Variants in RPL7 observed in about 807,000 individuals in gnomAD.
RPL7 encodes the protein ribosomal protein L7.
For missense variants in RPL7, 205 were observed against 301.9 expected, an observed-to-expected ratio of 0.68 and a Z score of 2.38; for synonymous variants, 100 against 102.2, an observed-to-expected ratio of 0.98 and a Z score of 0.13.
In RPL7 at chr8:73,290,603, TAAC is replaced by T. The variant is rs375642436; in HGVS notation, c.*101_*103del. Reference sequence around the variant, plus strand: ...TAGTTAAGGGAAGACAGAGGCAGGCTAACAACAACAACAACAAATCACAAATAC... The same window carrying T: ...TAGTTAAGGGAAGACAGAGGCAGGCTAACAACAACAACAAATCACAAATAC... On this transcript the variant is annotated 3_prime_UTR_variant, in exon 7 of 7. Transcript: ENST00000352983. 127 of 157,144 alleles carry T rather than the reference TAAC, an allele frequency of 8.1e-4. No homozygotes were observed. Among genetic ancestry groups the T allele is most frequent in the East Asian group, 2.2e-3 (12 of 5,394 alleles). The allele number at this position is 157,144 out of a possible 1,614,324, so 9.7% of individuals were successfully genotyped here. A position where few individuals can be genotyped will look rare whatever the true frequency, so the allele number is the denominator to read the frequency against.
intron 1 of RPL7, 200 bp downstream of exon 1, chr8:73,293,399 G>T: frequency 1.7e-6 from 1 of 587,200 alleles, no homozygotes. Context: ...TCTCGTTCCC[G>T]GGATCTCCAA....
upstream of RPL7, chr8:73,293,641 C>T (rs757786641): frequency 1.2e-5 from 20 of 1,612,632 alleles, no homozygotes; most frequent in African/African-American, 9.4e-5. Context: ...AGGAAGTTGG[C>T]GCATGCGTAC....
rs868378538 is a variant in RPL7, at chr8:73,292,670, C to T, written c.123+19G>A. 1.1e-5 allele frequency: 18 copies of T among 1,578,842 alleles called. No homozygotes were observed. In the Middle Eastern group the frequency reaches 7.3e-4, roughly 64 times the overall value. On this transcript the variant is annotated intron_variant, in intron 2 of 6. Coordinates refer to ENST00000352983, the MANE Select transcript of RPL7 (RefSeq NM_000971.4). ...TAAGGCGCCTCCTTATGTGCTAGTG[C>T]CTCAAAAAGTTTACTTACCATCTTT...
intron 1 of RPL7, 104 bp downstream of exon 1, chr8:73,293,495 G>T (rs1421478249): frequency 2.1e-6 from 3 of 1,397,556 alleles, no homozygotes; most frequent in Non-Finnish European, 3.0e-6. Context: ...AAGCAGGGAG[G>T]TGGGCAAAGG....
intron 3 of RPL7, 128 bp from the exon 4 acceptor site, chr8:73,292,038 T>G: frequency 7.6e-7 from 1 of 1,309,032 alleles, no homozygotes; most frequent in South Asian, 1.4e-5. Context: ...CACACTGAAT[T>G]TCTGTATTCT....
Position 73,292,223 on chromosome 8 carries a change from G to GT in RPL7, c.290+15dup. ...TTTTTCCCATTCAAACCCGAATGCA[G>GT]TAAAACTGAACTTACCCTCTGATTC... is the stretch of plus-strand genomic sequence containing the variant. On this transcript the variant is annotated intron_variant, in intron 3 of 6. Transcript: ENST00000352983. 6.3e-7 allele frequency: 1 copy of GT among 1,597,194 alleles called. No individual in the cohort carries two copies. The highest frequency in any genetic ancestry group is 1.1e-5 in the South Asian group (1 of 89,086).
Position 73,291,653 on chromosome 8 carries a change from T to C in RPL7, c.437A>G (p.Asn146Ser), listed in dbSNP as rs1193109535. 6.3e-7 allele frequency: 1 copy of C among 1,593,362 alleles called. No homozygotes were observed. The highest frequency in any genetic ancestry group is 8.6e-7 in the Non-Finnish European group (1 of 1,163,170). ...GATTAGTTCATTTACTGACTTCAGA[T>C]TGGGGTACCTGAAGTGAAAAAGCAA... ...VEPYIAWGYP[N>S]LKSVNELIYK... The change falls in exon 5 of 7, where the codon AAT becomes AGT. Residue 146 changes from asparagine (N) to serine (S), a missense_variant. Coordinates refer to ENST00000352983, the MANE Select transcript of RPL7 (RefSeq NM_000971.4).
upstream of RPL7, chr8:73,293,940 G>A (rs1563544559): frequency 2.0e-5 from 6 of 299,870 alleles, no homozygotes; most frequent in Non-Finnish European, 3.3e-5. Flanking sequence ...AATGTTCCCA[G>A]GACGAGCCTC....
Position 73,293,616 on chromosome 8 carries a change from T to C in RPL7, c.-4A>G, listed in dbSNP as rs760247338. 4.3e-6 allele frequency: 7 copies of C among 1,613,740 alleles called. No homozygotes were observed. In the South Asian group the frequency reaches 6.6e-5, roughly 15 times the overall value. On this transcript the variant is annotated 5_prime_UTR_variant, in exon 1 of 7. Coordinates refer to ENST00000352983, the MANE Select transcript of RPL7 (RefSeq NM_000971.4). ...CAACTCACTCTACACCCTCCATGGT[T>C]CCAGCCGGAAAAAGAGGAAGTTGGC...
Position 73,292,226 on chromosome 8 carries a change from A to C in RPL7, c.290+13T>G. 6.2e-7 allele frequency: 1 copy of C among 1,609,106 alleles called. No individual in the cohort carries two copies. Among genetic ancestry groups the C allele is most frequent in the Non-Finnish European group, 8.5e-7 (1 of 1,178,060 alleles). On this transcript the variant is annotated intron_variant, in intron 3 of 6. Coordinates refer to ENST00000352983, the MANE Select transcript of RPL7 (RefSeq NM_000971.4). ...TTCCCATTCAAACCCGAATGCAGTA[A>C]AACTGAACTTACCCTCTGATTCTGA...
intron 3 of RPL7, 49 bp downstream of exon 3, chr8:73,292,190 T>A: frequency 7.1e-7 from 1 of 1,403,204 alleles, no homozygotes; most frequent in Admixed American, 2.2e-5. Flanking sequence ...ATGTGAAGGT[T>A]TTTTTTTTTT....
rs1814126910 is a variant in RPL7 at position 73,292,514 on chromosome 8, C to T, written c.124-109G>A. ...GTTTCCTTTAAATCTTTTCTTGCCA[C>T]AGTATGCAATTACATCCCCCACCAA... On this transcript the variant is annotated intron_variant, in intron 2 of 6. Transcript: ENST00000352983. 19 of 1,187,916 alleles carry T rather than the reference C, an allele frequency of 1.6e-5. 2 individuals are homozygous for T. In the South Asian group the frequency reaches 2.7e-4, roughly 17 times the overall value. The allele number at this position is 1,187,916 out of a possible 1,614,324, so 73.6% of individuals were successfully genotyped here. A position where few individuals can be genotyped will look rare whatever the true frequency, so the allele number is the denominator to read the frequency against.
In RPL7 at chr8:73,293,427, C is replaced by G. The variant is rs7814521; in HGVS notation, c.14+172G>C. On this transcript the variant is annotated intron_variant, in intron 1 of 6. Coordinates refer to ENST00000352983, the MANE Select transcript of RPL7 (RefSeq NM_000971.4). ...ATCTCCAAAACCTCCGTCCTAAGACCGCCCGCATCCCAACCCTAGCCTCAG... is the reference window on the plus strand; with the variant it reads ...ATCTCCAAAACCTCCGTCCTAAGACGGCCCGCATCCCAACCCTAGCCTCAG... The G allele has an allele frequency of 3.8e-3, 2,873 of 756,282 alleles. 61 individuals carry two copies. In the African/African-American group the frequency reaches 0.046, roughly 12 times the overall value. 46.8% of individuals were successfully genotyped at this position (756,282 alleles called of 1,614,324 possible).
At chr8:73,293,880 GTCCT>G, upstream of RPL7, 1 of 427,900 alleles carries the variant, frequency 2.3e-6, no homozygotes, top group Non-Finnish European at 4.3e-6. Context: ...GCAACTCCGG[GTCCT>G]AATCCCCAGG....
intron 1 of RPL7, 26 bp from the exon 2 acceptor site, chr8:73,292,823 T>A: frequency 6.5e-7 from 1 of 1,532,596 alleles, no homozygotes; most frequent in South Asian, 1.1e-5. Flanking sequence ...AAAAATGTTA[T>A]CAATAGCTCA....
chr8:73,292,605 T>C, intron 2 of RPL7, 84 bp downstream of exon 2: 1 of 1,149,380 alleles, frequency 8.7e-7, no homozygotes, highest in Non-Finnish European at 1.3e-6. Flanking sequence ...AGTTAGGAAG[T>C]AAATCTTGCC....
At chr8:73,293,725 G>T (rs147165631), upstream of RPL7, 1,204 of 1,368,554 alleles carry the variant, frequency 8.8e-4, 17 homozygotes, top group East Asian at 0.023. Flanking sequence ...AAAGAATCCA[G>T]AACTAAAAAG....
At position 73,291,564 on chromosome 8, in the gene RPL7, C is replaced by T; in HGVS notation, c.526G>A (p.Ala176Thr). 2 of 1,592,072 alleles carry T rather than the reference C, an allele frequency of 1.3e-6. No individual in the cohort carries two copies. The highest frequency in any genetic ancestry group is 1.3e-5 in the African/African-American group (1 of 74,654). Residue 176 changes from alanine to threonine, a missense_variant, in exon 5 of 7, where the codon GCT becomes ACT. By Grantham distance (58) the Ala-to-Thr change is moderately conservative. Transcript: ENST00000352983. ...AAATAGAACCTACCAAGAGATCGAG[C>T]AATCAAAGCGTTATCTGTCAAAGCA... ...RIALTDNALI[A>T]RSLGKYGIIC...
intron 6 of RPL7, 148 bp from the exon 7 acceptor site, chr8:73,290,853 T>G: frequency 3.5e-6 from 2 of 575,758 alleles, no homozygotes; most frequent in Non-Finnish European, 6.3e-6. Context: ...GGCTTTTCCT[T>G]TCCTCCAGAA....
Sources: gnomAD v4.1 joint callset for allele counts on GRCh38, gnomAD v4.1.1 for gene constraint, MANE v1.5 for transcripts, NCBI Gene and HGNC (gene_info 2026-07-23, HGNC 2026-07-21) for gene names.